GPC6: variants seen among roughly 807,000 people sequenced by gnomAD.
The protein encoded by GPC6 is glypican 6.
In GPC6, 14 loss-of-function variants were observed where a neutral mutation model predicts 55.2. The observed-to-expected ratio is 0.25, with a 90% CI of 0.17 to 0.40. The LOEUF (loss-of-function observed/expected upper bound fraction) is 0.40. Ranked by LOEUF, GPC6 falls within the 10% of genes least tolerant of loss-of-function variation. The pLI is 1.00. For synonymous variants in GPC6, 278 were observed against 259.6 expected, an observed-to-expected ratio of 1.07 and a Z score of -0.68; for missense variants, 641 against 708.5, an observed-to-expected ratio of 0.90 and a Z score of 1.08.
At chr13:93,541,476 G>A (rs1188710590) in intron 1 of GPC6, among the ~76,000 whole-genome samples, 5 of 80,644 alleles carry the variant, frequency 6.2e-5, no homozygotes. Flanking sequence ...GAATAGTGCC[G>A]CAATAAACAT....
At chr13:94,221,766 A>G (rs16949617) in intron 4 of GPC6, among the ~76,000 whole-genome samples, 169 of 152,230 alleles carry the variant, frequency 1.1e-3, no homozygotes, top group Non-Finnish European at 2.2e-3. Flanking sequence ...GACTAACAAG[A>G]CTTAAGATAC....
At chr13:94,338,008 T>C (rs955208563) in intron 6 of GPC6, among the ~76,000 whole-genome samples, 1 of 152,236 alleles carries the variant, frequency 6.6e-6, no homozygotes, top group Admixed American at 6.5e-5. Flanking sequence ...TTAAGAAGAC[T>C]TTCTGCCCTA....
At chr13:93,840,498 A>C (rs9524253) in intron 3 of GPC6, among the ~76,000 whole-genome samples, 57,653 of 151,968 alleles carry the variant, frequency 0.38, 11,759 homozygotes, top group African/African-American at 0.53. Flanking sequence ...GAAATGTACT[A>C]TTCTAGAATA....
chr13:93,815,367 C>T (rs570574779), intron 2 of GPC6, among the ~76,000 whole-genome samples: 2 of 152,118 alleles, frequency 1.3e-5, no homozygotes, highest in East Asian at 1.9e-4. Context: ...GAAATATAAA[C>T]AATTTGAAAT....
At chr13:94,281,899 A>G (rs1439428533) in intron 4 of GPC6, among the ~76,000 whole-genome samples, 3 of 152,196 alleles carry the variant, frequency 2.0e-5, no homozygotes, top group East Asian at 1.9e-4. Flanking sequence ...TCCCTTCTGG[A>G]CAACACTTTA....
rs56015850 is a variant in GPC6, at chr13:93,728,204, T to TTTTGTTTG, written c.320-101930_320-101923dup. ...TCACTATTTCAAGTTATCTTTTTGG[T>TTTTGTTTG]TTTGTTTGTTTGTTTGTTTGTTTGT... On this transcript the variant is annotated intron_variant, in intron 2 of 8. Transcript: ENST00000377047. Among the ~76,000 whole-genome samples, 163 of 149,284 alleles carry TTTTGTTTG rather than the reference T, an allele frequency of 1.1e-3. 2 individuals carry two copies. The highest frequency in any genetic ancestry group is 3.4e-3 in the Middle Eastern group (1 of 292).
At chr13:94,138,744 C>G (rs1887269268) in intron 4 of GPC6, among the ~76,000 whole-genome samples, 1 of 152,100 alleles carries the variant, frequency 6.6e-6, no homozygotes, top group South Asian at 2.1e-4. Flanking sequence ...AAAACTTGCA[C>G]TACGGGTAGC....
intron 4 of GPC6, among the ~76,000 whole-genome samples, chr13:94,126,373 A>T (rs972627955): frequency 6.6e-6 from 1 of 152,082 alleles, no homozygotes; most frequent in African/African-American, 2.4e-5. Context: ...ACAGAGCAAG[A>T]CCCTGCCACA....
chr13:93,366,874 T>A lies in GPC6; in HGVS notation c.160+139258T>A, dbSNP rs145707242. 1.7e-4 allele frequency among the ~76,000 whole-genome samples: 26 copies of A among 152,240 alleles called. 1 individual carries two copies. The highest frequency in any genetic ancestry group is 5.3e-4 in the African/African-American group (22 of 41,580). On this transcript the variant is annotated intron_variant, in intron 1 of 8. Coordinates refer to ENST00000377047, the MANE Select transcript of GPC6 (RefSeq NM_005708.5). Reference sequence around the variant, plus strand: ...TAAAATCAGGTAAGTCAAGCATTTATTCTAAACTCCTAGTCTGTTTTTTAT... The same window carrying A: ...TAAAATCAGGTAAGTCAAGCATTTAATCTAAACTCCTAGTCTGTTTTTTAT...
chr13:94,075,784 T>G (rs915625478), intron 4 of GPC6, among the ~76,000 whole-genome samples: 7 of 152,156 alleles, frequency 4.6e-5, no homozygotes, highest in Non-Finnish European at 8.8e-5. Flanking sequence ...AGGTTTATTT[T>G]TATGACAGGA....
chr13:94,327,583 T>C (rs1344829963), intron 6 of GPC6, among the ~76,000 whole-genome samples: 2 of 152,200 alleles, frequency 1.3e-5, no homozygotes, highest in Non-Finnish European at 2.9e-5. Context: ...GAATGTCTGC[T>C]CACGAAACTG....
At chr13:94,007,783 G>A (rs565242902) in intron 3 of GPC6, among the ~76,000 whole-genome samples, 5 of 151,950 alleles carry the variant, frequency 3.3e-5, no homozygotes, top group Admixed American at 2.0e-4. Context: ...TCTCATTCAT[G>A]ATAAATGTTG....
chr13:93,791,904 A>G (rs1187407271), intron 2 of GPC6, among the ~76,000 whole-genome samples: 1 of 152,240 alleles, frequency 6.6e-6, no homozygotes. Context: ...TCCCAGGGGT[A>G]CTTAGAAATT....
At chr13:93,678,898 G>A (rs1446306950) in intron 2 of GPC6, among the ~76,000 whole-genome samples, 1 of 152,112 alleles carries the variant, frequency 6.6e-6, no homozygotes, top group Non-Finnish European at 1.5e-5. Flanking sequence ...AGAAAAAGAA[G>A]GGCTTGATTG....
intron 1 of GPC6, among the ~76,000 whole-genome samples, chr13:93,400,185 G>A (rs539784485): frequency 1.2e-4 from 19 of 152,136 alleles, no homozygotes; most frequent in Non-Finnish European, 2.1e-4. Flanking sequence ...CACCTCTTCC[G>A]ACCCGAATTA....
chr13:94,315,579 G>C (rs1371767590), intron 6 of GPC6, among the ~76,000 whole-genome samples: 1 of 152,048 alleles, frequency 6.6e-6, no homozygotes, highest in Non-Finnish European at 1.5e-5. Context: ...AGGAAGTCAG[G>C]GACATATGTT....
intron 2 of GPC6, among the ~76,000 whole-genome samples, chr13:93,702,134 A>G (rs955806845): frequency 2.0e-5 from 3 of 152,070 alleles, no homozygotes; most frequent in Admixed American, 6.6e-5. Flanking sequence ...CTTAAATACA[A>G]TAGACTTGAA....
chr13:93,497,182 A>G (rs542426780), intron 1 of GPC6, among the ~76,000 whole-genome samples: 16 of 152,368 alleles, frequency 1.1e-4, no homozygotes, highest in African/African-American at 3.8e-4. Context: ...TCATGAAAGC[A>G]TAATGTTTTA....
chr13:93,832,489 T>G (rs1887558142), intron 3 of GPC6, among the ~76,000 whole-genome samples: 1 of 152,140 alleles, frequency 6.6e-6, no homozygotes, highest in South Asian at 2.1e-4. Flanking sequence ...TGGATGGATA[T>G]ATGCCTGATT....
Sources: gnomAD v4.1 joint callset for allele counts (sites outside exome capture counted in the v4.1 genomes callset) on GRCh38, gnomAD v4.1.1 for gene constraint, MANE v1.5 for transcripts, NCBI Gene and HGNC (gene_info 2026-07-23, HGNC 2026-07-21) for gene names.